The following PRKG1 variants were observed in gnomAD, a reference collection of about 807,000 sequenced individuals.
The protein encoded by PRKG1 is protein kinase cGMP-dependent 1.
Under a neutral mutation model 88.1 loss-of-function variants are expected in PRKG1, and 35 were observed. The ratio of observed to expected loss-of-function variants is 0.40; its 90% CI spans 0.30 to 0.53. PRKG1 has a LOEUF of 0.53. Among genes scored for constraint, PRKG1 ranks in the 20% least tolerant of loss-of-function variants. The probability of loss-of-function intolerance (pLI) is 0.59; values close to 1 mark genes in which losing one functional copy is unlikely to be tolerated. For synonymous variants in PRKG1, 303 were observed against 292.5 expected, an observed-to-expected ratio of 1.04 and a Z score of -0.37; for missense variants, 540 against 839.8, an observed-to-expected ratio of 0.64 and a Z score of 4.41.
intron 2 of PRKG1, among the ~76,000 whole-genome samples, chr10:51,427,904 C>T (rs543430898): frequency 9.9e-5 from 15 of 152,178 alleles, no homozygotes; most frequent in Non-Finnish European, 1.6e-4. Context: ...AAGAATTAGA[C>T]ATGAAAAGGA....
chr10:51,642,508 C>G (rs769310068), intron 3 of PRKG1, among the ~76,000 whole-genome samples: 2 of 152,122 alleles, frequency 1.3e-5, no homozygotes, highest in Non-Finnish European at 2.9e-5. Flanking sequence ...ATTTTTTGGG[C>G]AAGGACATAA....
chr10:51,852,873 A>C (rs1247350172), intron 4 of PRKG1, among the ~76,000 whole-genome samples: 2 of 152,144 alleles, frequency 1.3e-5, no homozygotes, highest in Admixed American at 6.6e-5. Flanking sequence ...TAAAAAGAGA[A>C]GTGTTTTTTC....
At chr10:52,155,616 T>C (rs550868426) in intron 8 of PRKG1, among the ~76,000 whole-genome samples, 2 of 151,614 alleles carry the variant, frequency 1.3e-5, no homozygotes, top group Non-Finnish European at 2.9e-5. Context: ...TGAAAAAAAA[T>C]CAAGGAGGAT....
chr10:51,257,471 G>A (rs984362248), intron 2 of PRKG1, among the ~76,000 whole-genome samples: 1 of 152,130 alleles, frequency 6.6e-6, no homozygotes, highest in South Asian at 2.1e-4. Flanking sequence ...TGACAGAAAT[G>A]CATCAGAAAC....
chr10:51,606,733 A>C (rs947658601), intron 3 of PRKG1, among the ~76,000 whole-genome samples: 1 of 152,196 alleles, frequency 6.6e-6, no homozygotes, highest in South Asian at 2.1e-4. Flanking sequence ...CGCGTCTTCT[A>C]TCATCATTTC....
chr10:52,286,026 A>G (rs1425316795), intron 14 of PRKG1, among the ~76,000 whole-genome samples: 1 of 152,068 alleles, frequency 6.6e-6, no homozygotes, highest in East Asian at 1.9e-4. Flanking sequence ...TTAATTACAT[A>G]ATAAAAATCC....
chr10:52,087,524 T>G (rs1188129666), intron 7 of PRKG1, among the ~76,000 whole-genome samples: 2 of 152,226 alleles, frequency 1.3e-5, no homozygotes, highest in Non-Finnish European at 2.9e-5. Flanking sequence ...TTAGTCATTT[T>G]TATAAATCTT....
intron 5 of PRKG1, among the ~76,000 whole-genome samples, chr10:51,990,522 T>C (rs932383123): frequency 2.0e-5 from 3 of 152,104 alleles, no homozygotes; most frequent in Admixed American, 1.3e-4. Flanking sequence ...ATGATTATGG[T>C]ATTTAATATA....
chr10:51,545,916 C>A (rs1564543696), intron 3 of PRKG1, among the ~76,000 whole-genome samples: 1 of 150,534 alleles, frequency 6.6e-6, no homozygotes, highest in African/African-American at 2.4e-5. Context: ...CTGTTTCTCT[C>A]CTTCTCTTTT....
intron 2 of PRKG1, among the ~76,000 whole-genome samples, chr10:51,307,854 C>G (rs1476345693): frequency 6.6e-6 from 1 of 151,948 alleles, no homozygotes; most frequent in Non-Finnish European, 1.5e-5. Context: ...ATTAATATAG[C>G]CTCAAGGAAA....
At chr10:52,127,782 A>T (rs1260243745) in intron 7 of PRKG1, among the ~76,000 whole-genome samples, 4 of 152,152 alleles carry the variant, frequency 2.6e-5, no homozygotes, top group Non-Finnish European at 5.9e-5. Flanking sequence ...TGCATGTATT[A>T]GCTGATTGTT....
intron 5 of PRKG1, among the ~76,000 whole-genome samples, chr10:51,946,988 C>T (rs1284899281): frequency 2.6e-5 from 4 of 152,052 alleles, no homozygotes; most frequent in Non-Finnish European, 2.9e-5. Context: ...CTGCTCTCTT[C>T]AAAGCTGTCA....
At chr10:51,252,079 G>T (rs1181168321) in intron 2 of PRKG1, among the ~76,000 whole-genome samples, 2 of 151,722 alleles carry the variant, frequency 1.3e-5, no homozygotes, top group Non-Finnish European at 3.0e-5. Flanking sequence ...GCACATGCAT[G>T]AGTGTCTTCT....
intron 3 of PRKG1, among the ~76,000 whole-genome samples, chr10:51,660,692 G>A (rs140051035): frequency 9.9e-5 from 15 of 152,070 alleles, no homozygotes; most frequent in Non-Finnish European, 1.8e-4. Context: ...AAGTTTTCAC[G>A]TGGATTCAGA....
At chr10:51,805,108 G>A (rs936096241) in intron 4 of PRKG1, among the ~76,000 whole-genome samples, 1 of 152,012 alleles carries the variant, frequency 6.6e-6, no homozygotes, top group African/African-American at 2.4e-5. Context: ...ACACTGTAAG[G>A]CCGAGTCATC....
chr10:51,489,910 T>C (rs183963689), intron 3 of PRKG1, among the ~76,000 whole-genome samples: 102 of 152,306 alleles, frequency 6.7e-4, no homozygotes, highest in African/African-American at 2.3e-3. Context: ...CTGTTTACTA[T>C]AGTTCAACTG....
chr10:51,205,757 C>G (rs1284181812), intron 2 of PRKG1, among the ~76,000 whole-genome samples: 1 of 152,078 alleles, frequency 6.6e-6, no homozygotes, highest in African/African-American at 2.4e-5. Context: ...TGGTCTCAAG[C>G]TCCTGGCCTC....
chr10:51,935,346 A>C (rs1264343454), intron 5 of PRKG1, among the ~76,000 whole-genome samples: 2 of 152,026 alleles, frequency 1.3e-5, no homozygotes, highest in Non-Finnish European at 2.9e-5. Flanking sequence ...TTAAACTGTT[A>C]AATTTTCTGG....
At chr10:51,524,942 T>C (rs1034239316) in intron 3 of PRKG1, among the ~76,000 whole-genome samples, 10 of 152,362 alleles carry the variant, frequency 6.6e-5, no homozygotes, top group Admixed American at 2.6e-4. Context: ...CTATTTAAAA[T>C]AATGTCATTA....
Sources: gnomAD v4.1 joint callset for allele counts (sites outside exome capture counted in the v4.1 genomes callset) on GRCh38, gnomAD v4.1.1 for gene constraint, MANE v1.5 for transcripts, NCBI Gene and HGNC (gene_info 2026-07-23, HGNC 2026-07-21) for gene names.